GRIP1: variants seen among roughly 807,000 people sequenced by gnomAD.
GRIP1 encodes the protein glutamate receptor-interacting protein 1.
In GRIP1, 45 loss-of-function variants were observed where a neutral mutation model predicts 129.9. The ratio of observed to expected loss-of-function variants is 0.35; its 90% CI spans 0.27 to 0.44. GRIP1 has a LOEUF of 0.44. Among genes scored for constraint, GRIP1 ranks in the 20% least tolerant of loss-of-function variants. The probability of loss-of-function intolerance (pLI) is 1.00; values close to 1 mark genes in which losing one functional copy is unlikely to be tolerated. For synonymous variants in GRIP1, 530 were observed against 520.8 expected (o/e 1.02, Z -0.24); for missense variants, 1,196 against 1,396.8 (o/e 0.86, Z 2.29).
chr12:66,351,555 G>GTTTTTTTT (rs1565655525), intron 24 of GRIP1, among the ~76,000 whole-genome samples: 1,516 of 143,056 alleles, frequency 0.011, 49 homozygotes, highest in African/African-American at 0.037. Flanking sequence ...ACAGGAAGGT[G>GTTTTTTTT]GTTTTTTTTT....
At chr12:66,992,655 G>A (rs1163507639) in intron 1 of GRIP1, among the ~76,000 whole-genome samples, 3 of 152,008 alleles carry the variant, frequency 2.0e-5, no homozygotes, top group African/African-American at 4.8e-5. Context: ...TAGACCATAT[G>A]GTAGGCCATA....
intron 1 of GRIP1, among the ~76,000 whole-genome samples, chr12:66,795,216 A>G (rs2038660422): frequency 6.6e-6 from 1 of 152,198 alleles, no homozygotes; most frequent in Non-Finnish European, 1.5e-5. Flanking sequence ...CAATTTGTTA[A>G]CCTATATCCA....
intron 2 of GRIP1, among the ~76,000 whole-genome samples, chr12:66,581,348 G>A (rs2063370633): frequency 6.6e-6 from 1 of 150,970 alleles, no homozygotes; most frequent in Admixed American, 6.6e-5. Flanking sequence ...AAAAGAACTA[G>A]AAAAGCAAGA....
intron 2 of GRIP1, among the ~76,000 whole-genome samples, chr12:66,584,945 C>T (rs539903958): frequency 6.6e-6 from 1 of 152,142 alleles, no homozygotes; most frequent in East Asian, 1.9e-4. Flanking sequence ...TCAGCAGGGA[C>T]TGTAGCACCC....
At chr12:66,730,691 G>A (rs1394878570) in intron 1 of GRIP1, among the ~76,000 whole-genome samples, 1 of 125,144 alleles carries the variant, frequency 8.0e-6, no homozygotes, top group Non-Finnish European at 1.7e-5. Flanking sequence ...GATACCAAGA[G>A]GGTCATCTAC....
At chr12:66,471,518 A>G (rs1220703040) in intron 7 of GRIP1, among the ~76,000 whole-genome samples, 1 of 152,244 alleles carries the variant, frequency 6.6e-6, no homozygotes, top group East Asian at 1.9e-4. Flanking sequence ...TATCTTTAAA[A>G]TGATTAATTG....
chr12:66,583,129 C>G (rs2063470738), intron 2 of GRIP1, among the ~76,000 whole-genome samples: 1 of 151,828 alleles, frequency 6.6e-6, no homozygotes, highest in South Asian at 2.1e-4. Flanking sequence ...TGATCTTTGA[C>G]AAACCTGAGA....
At chr12:66,698,269 T>G (rs1213560842) in intron 1 of GRIP1, among the ~76,000 whole-genome samples, 2 of 152,240 alleles carry the variant, frequency 1.3e-5, no homozygotes, top group East Asian at 3.8e-4. Flanking sequence ...GTGAACAAAG[T>G]AACTAAGATC....
chr12:66,966,223 T>C (rs974804075), intron 1 of GRIP1, among the ~76,000 whole-genome samples: 2 of 152,092 alleles, frequency 1.3e-5, no homozygotes, highest in South Asian at 2.1e-4. Context: ...TTATTGAAAC[T>C]GGAAAAAATG....
At chr12:66,831,692 T>C (rs10506501) in intron 1 of GRIP1, among the ~76,000 whole-genome samples, 44,267 of 152,088 alleles carry the variant, frequency 0.29, 6,867 homozygotes, top group Non-Finnish European at 0.35. Flanking sequence ...CTGAGATGTA[T>C]AGTATGCTCT....
intron 1 of GRIP1, among the ~76,000 whole-genome samples, chr12:66,752,523 C>T (rs1339496054): frequency 1.3e-5 from 2 of 152,076 alleles, no homozygotes; most frequent in African/African-American, 4.8e-5. Context: ...AGAACAAGGA[C>T]TTGTTCTCAC....
chr12:67,061,530 A>C (rs1277046763), intron 1 of GRIP1, among the ~76,000 whole-genome samples: 1 of 152,202 alleles, frequency 6.6e-6, no homozygotes, highest in African/African-American at 2.4e-5. Context: ...CAGAGTACTT[A>C]GTTGTTTTCA....
At chr12:67,037,661 T>C (rs564655215) in intron 1 of GRIP1, among the ~76,000 whole-genome samples, 1 of 152,252 alleles carries the variant, frequency 6.6e-6, no homozygotes, top group Admixed American at 6.5e-5. Flanking sequence ...TATCATTTCT[T>C]TATATTAAAA....
chr12:66,699,234 A>G (rs2035267282), intron 1 of GRIP1, among the ~76,000 whole-genome samples: 1 of 152,190 alleles, frequency 6.6e-6, no homozygotes, highest in South Asian at 2.1e-4. Flanking sequence ...AAAAGCAAAA[A>G]TGCAGTAAGT....
intron 1 of GRIP1, among the ~76,000 whole-genome samples, chr12:66,870,617 T>C (rs1157175310): frequency 6.6e-6 from 1 of 152,146 alleles, no homozygotes; most frequent in Non-Finnish European, 1.5e-5. Context: ...ATACAGAAAT[T>C]ATTTCTTGTG....
chr12:66,452,680 A>G (rs765410935), intron 11 of GRIP1, among the ~76,000 whole-genome samples: 1 of 152,214 alleles, frequency 6.6e-6, no homozygotes, highest in Non-Finnish European at 1.5e-5. Flanking sequence ...CATATGTATT[A>G]CAAAGGGGGC....
At chr12:66,997,678 A>G (rs1276673345) in intron 1 of GRIP1, among the ~76,000 whole-genome samples, 1 of 152,196 alleles carries the variant, frequency 6.6e-6, no homozygotes, top group African/African-American at 2.4e-5. Context: ...TGACGCAGAA[A>G]CCAATGCAAA....
intron 1 of GRIP1, among the ~76,000 whole-genome samples, chr12:66,706,320 G>A (rs974261820): frequency 3.9e-5 from 6 of 152,070 alleles, no homozygotes; most frequent in East Asian, 1.9e-4. Context: ...CTGATCATCA[G>A]AGAAAGGCAA....
chr12:66,577,537 A>G (rs936141082), intron 2 of GRIP1, among the ~76,000 whole-genome samples: 2 of 152,206 alleles, frequency 1.3e-5, no homozygotes, highest in African/African-American at 2.4e-5. Flanking sequence ...GGGTTGATTT[A>G]TAATATTGAT....
Sources: allele counts gnomAD v4.1 joint callset (sites outside exome capture counted in the v4.1 genomes callset), GRCh38; gene constraint gnomAD v4.1.1; transcripts MANE v1.5; gene names NCBI Gene and HGNC (gene_info 2026-07-23, HGNC 2026-07-21).